CNOT4: variants seen among roughly 807,000 people sequenced by gnomAD.
CNOT4 encodes the protein CCR4-associated factor 4.
A neutral mutation model predicts 73.8 loss-of-function variants in CNOT4; 8 were observed. The ratio of observed to expected loss-of-function variants is 0.11; its 90% CI spans 0.06 to 0.20. CNOT4 has a LOEUF of 0.20. Among genes scored for constraint, CNOT4 ranks in the 10% least tolerant of loss-of-function variants. The pLI, the probability that CNOT4 is intolerant of heterozygous loss-of-function variation, is 1.00. For synonymous variants in CNOT4, 293 were observed against 321.1 expected (o/e 0.91, Z 0.94); for missense variants, 564 against 883.4 (o/e 0.64, Z 4.58).
chr7:135,362,466 G>A lies in CNOT4; in HGVS notation c.*419C>T, dbSNP rs1232779168. ...TCCCCCATGCATTTAGCAATCTCACGTAAATGAACCTGGTTTTCAAACTTC... is the reference window on the plus strand; with the variant it reads ...TCCCCCATGCATTTAGCAATCTCACATAAATGAACCTGGTTTTCAAACTTC... On this transcript the variant is annotated 3_prime_UTR_variant, in exon 12 of 12. Transcript: ENST00000541284. 2.3e-5 allele frequency: 7 copies of A among 308,862 alleles called. No homozygotes were observed. The highest frequency in any genetic ancestry group is 4.4e-5 in the Non-Finnish European group (7 of 159,450). 19.1% of individuals were successfully genotyped at this position (308,862 alleles called of 1,614,324 possible). A position where few individuals can be genotyped will look rare whatever the true frequency, so the allele number is the denominator to read the frequency against.
chr7:135,399,977 A>C (rs1375021717), intron 7 of CNOT4, among the ~76,000 whole-genome samples: 1 of 152,124 alleles, frequency 6.6e-6, no homozygotes, highest in African/African-American at 2.4e-5. Flanking sequence ...GAATTGTTTA[A>C]ACAAACAAAC....
chr7:135,381,125 A>C (rs1380086922), intron 10 of CNOT4, among the ~76,000 whole-genome samples: 3 of 152,268 alleles, frequency 2.0e-5, no homozygotes, highest in Non-Finnish European at 4.4e-5. Context: ...ATAAAGATAC[A>C]GCATTTATCC....
intron 7 of CNOT4, among the ~76,000 whole-genome samples, chr7:135,408,863 G>A (rs1389013071): frequency 6.6e-6 from 1 of 152,012 alleles, no homozygotes; most frequent in Admixed American, 6.6e-5. Flanking sequence ...GTTATTGGAG[G>A]GCATGCTGTA....
At chr7:135,371,783 A>G (rs1795216232) in intron 10 of CNOT4, among the ~76,000 whole-genome samples, 1 of 152,234 alleles carries the variant, frequency 6.6e-6, no homozygotes, top group Non-Finnish European at 1.5e-5. Flanking sequence ...ACAAATTTGA[A>G]TATAAAAGAT....
intron 1 of CNOT4, among the ~76,000 whole-genome samples, chr7:135,452,740 A>G (rs1180204191): frequency 6.6e-6 from 1 of 152,214 alleles, no homozygotes; most frequent in South Asian, 2.1e-4. Context: ...ACAAATAAAA[A>G]GGGACAATAG....
intron 1 of CNOT4, among the ~76,000 whole-genome samples, chr7:135,439,133 G>A (rs1799328623): frequency 6.6e-6 from 1 of 152,096 alleles, no homozygotes; most frequent in Admixed American, 6.5e-5. Flanking sequence ...TAGATTATAG[G>A]GAGTTTTAAA....
At chr7:135,480,331 A>C (rs1802291900) in intron 1 of CNOT4, among the ~76,000 whole-genome samples, 1 of 152,196 alleles carries the variant, frequency 6.6e-6, no homozygotes, top group South Asian at 2.1e-4. Context: ...CCTAGTCATT[A>C]AATCTCACTT....
At chr7:135,406,231 G>C (rs1199370411) in intron 7 of CNOT4, among the ~76,000 whole-genome samples, 1 of 151,960 alleles carries the variant, frequency 6.6e-6, no homozygotes, top group Admixed American at 6.6e-5. Flanking sequence ...CTTACTCTCT[G>C]TAACTTGGGC....
chr7:135,397,518 G>A (rs185259360), intron 8 of CNOT4, among the ~76,000 whole-genome samples: 6 of 151,424 alleles, frequency 4.0e-5, no homozygotes. Context: ...TACTGTGGAG[G>A]ACTGGCTATT....
intron 1 of CNOT4, among the ~76,000 whole-genome samples, chr7:135,484,343 A>T (rs1412350466): frequency 1.3e-5 from 2 of 152,184 alleles, no homozygotes; most frequent in African/African-American, 4.8e-5. Context: ...AGGCAAACAG[A>T]CTAGAACAGA....
chr7:135,505,367 C>T (rs1804296204), intron 1 of CNOT4, among the ~76,000 whole-genome samples: 1 of 152,120 alleles, frequency 6.6e-6, no homozygotes, highest in Non-Finnish European at 1.5e-5. Context: ...AGCTGGTCAA[C>T]ATGGTGAAAC....
intron 3 of CNOT4, among the ~76,000 whole-genome samples, chr7:135,419,110 T>C (rs996049710): frequency 1.3e-5 from 2 of 152,214 alleles, no homozygotes; most frequent in Admixed American, 1.3e-4. Context: ...ATTACCTCTA[T>C]CGTTGGCTCT....
intron 9 of CNOT4, among the ~76,000 whole-genome samples, 161 bp from the exon 10 acceptor site, chr7:135,394,576 G>A (rs192879438): frequency 1.3e-5 from 2 of 152,088 alleles, no homozygotes; most frequent in East Asian, 1.9e-4. Flanking sequence ...ATTACAAAAG[G>A]CCTTATGTAC....
chr7:135,479,119 A>G (rs1237550355), intron 1 of CNOT4, among the ~76,000 whole-genome samples: 2 of 151,486 alleles, frequency 1.3e-5, no homozygotes, highest in Admixed American at 1.3e-4. Context: ...GCATTTTTTT[A>G]GCTTTGACAA....
intron 2 of CNOT4, among the ~76,000 whole-genome samples, chr7:135,425,881 A>C (rs1283437376): frequency 6.6e-6 from 1 of 152,118 alleles, no homozygotes; most frequent in Non-Finnish European, 1.5e-5. Flanking sequence ...CACAAACCCA[A>C]GGTCAGAATA....
intron 1 of CNOT4, among the ~76,000 whole-genome samples, chr7:135,495,702 GAA>G (rs1803498892): frequency 4.2e-5 from 1 of 23,758 alleles, no homozygotes. Context: ...AAGAAAGAAA[GAA>G]AGAAAGAAAG....
chr7:135,368,701 A>T (rs1795041480), intron 10 of CNOT4, among the ~76,000 whole-genome samples: 1 of 152,166 alleles, frequency 6.6e-6, no homozygotes, highest in Non-Finnish European at 1.5e-5. Context: ...AAAATCTCAC[A>T]ACAGGTTGAA....
At chr7:135,430,035 A>G (rs1488034428) in intron 2 of CNOT4, among the ~76,000 whole-genome samples, 2 of 152,240 alleles carry the variant, frequency 1.3e-5, no homozygotes, top group African/African-American at 4.8e-5. Flanking sequence ...GCTAGTTTTC[A>G]TAGGTGTCTT....
At chr7:135,387,030 T>G in intron 10 of CNOT4, 1 of 962,460 alleles carries the variant, frequency 1.0e-6, no homozygotes, top group Non-Finnish European at 1.2e-6. Flanking sequence ...CAGAGTTTGT[T>G]ATAATAACAA....
Sources: gnomAD v4.1 joint callset for allele counts (sites outside exome capture counted in the v4.1 genomes callset) on GRCh38, gnomAD v4.1.1 for gene constraint, MANE v1.5 for transcripts, NCBI Gene and HGNC (gene_info 2026-07-23, HGNC 2026-07-21) for gene names.